The following DCC variants were observed in gnomAD, a reference collection of about 807,000 sequenced individuals.
DCC encodes the protein netrin receptor DCC.
A neutral mutation model predicts 172.5 loss-of-function variants in DCC; 58 were observed. The observed-to-expected ratio is 0.34, with a 90% CI of 0.27 to 0.42. The LOEUF (loss-of-function observed/expected upper bound fraction) is 0.42. Among genes scored for constraint, DCC ranks in the 10% least tolerant of loss-of-function variants. The pLI is 1.00. For synonymous variants in DCC, 709 were observed against 644.5 expected (o/e 1.10, Z -1.52); for missense variants, 1,740 against 1,791.0 (o/e 0.97, Z 0.51).
chr18:52,774,461 C>T (rs1343899537), intron 2 of DCC, among the ~76,000 whole-genome samples: 1 of 152,184 alleles, frequency 6.6e-6, no homozygotes, highest in Admixed American at 6.5e-5. Flanking sequence ...ACATCTTCTT[C>T]CCTGTTTACT....
intron 1 of DCC, among the ~76,000 whole-genome samples, chr18:52,352,420 T>C (rs1474954036): frequency 6.6e-6 from 1 of 152,168 alleles, no homozygotes; most frequent in Non-Finnish European, 1.5e-5. Context: ...TCCCATGCCT[T>C]TGCTTGATTT....
intron 26 of DCC, among the ~76,000 whole-genome samples, chr18:53,497,197 C>T (rs1502222): frequency 0.079 from 12,054 of 152,164 alleles, 1,261 homozygotes; most frequent in African/African-American, 0.24. Context: ...ATTTGTGAGA[C>T]GCACAATTCA....
intron 2 of DCC, among the ~76,000 whole-genome samples, chr18:52,814,765 G>T (rs1482572572): frequency 3.9e-5 from 6 of 152,148 alleles, no homozygotes. Context: ...GAAATGCATA[G>T]ATTTTTCAGC....
At chr18:52,806,879 T>A (rs150964102) in intron 2 of DCC, among the ~76,000 whole-genome samples, 61 of 152,256 alleles carry the variant, frequency 4.0e-4, no homozygotes, top group Middle Eastern at 3.4e-3. Flanking sequence ...ACTTTTGACC[T>A]CAGGCATCCT....
chr18:53,286,702 T>C (rs763834111), intron 12 of DCC, among the ~76,000 whole-genome samples: 6 of 152,164 alleles, frequency 3.9e-5, no homozygotes, highest in Non-Finnish European at 8.8e-5. Flanking sequence ...GCCATTGCTG[T>C]CTTCAAATAT....
intron 1 of DCC, among the ~76,000 whole-genome samples, chr18:52,589,070 T>C (rs1478564181): frequency 6.6e-6 from 1 of 152,190 alleles, no homozygotes; most frequent in African/African-American, 2.4e-5. Flanking sequence ...CATGTCTCAT[T>C]GGGTTTTAGT....
intron 25 of DCC, among the ~76,000 whole-genome samples, chr18:53,483,139 AC>A (rs2045856540): frequency 6.6e-6 from 1 of 151,970 alleles, no homozygotes; most frequent in Non-Finnish European, 1.5e-5. Flanking sequence ...GGAATTTATA[AC>A]ATTTTGGCTG....
At chr18:52,551,637 A>G (rs2032772397) in intron 1 of DCC, among the ~76,000 whole-genome samples, 1 of 151,852 alleles carries the variant, frequency 6.6e-6, no homozygotes, top group Admixed American at 6.6e-5. Context: ...GCTTTGAATA[A>G]TGAATGAGCT....
At chr18:52,667,140 G>A (rs1053522035) in intron 1 of DCC, among the ~76,000 whole-genome samples, 5 of 151,748 alleles carry the variant, frequency 3.3e-5, no homozygotes, top group African/African-American at 1.2e-4. Context: ...ATGAGGAGAG[G>A]GACTTTGAGC....
chr18:53,218,000 C>A (rs1486621153), intron 12 of DCC, among the ~76,000 whole-genome samples: 1 of 151,948 alleles, frequency 6.6e-6, no homozygotes, highest in Non-Finnish European at 1.5e-5. Context: ...ATGCAACCAC[C>A]ATGACTGACT....
intron 5 of DCC, among the ~76,000 whole-genome samples, chr18:52,960,072 A>G (rs1355248779): frequency 3.9e-5 from 6 of 152,140 alleles, no homozygotes; most frequent in African/African-American, 1.4e-4. Context: ...GTAGGCTTGG[A>G]GATACACGCA....
intron 7 of DCC, among the ~76,000 whole-genome samples, chr18:53,112,851 C>T (rs1039084394): frequency 2.3e-4 from 35 of 151,520 alleles, no homozygotes; most frequent in African/African-American, 8.5e-4. Flanking sequence ...TTTTAGCTTT[C>T]AGCATCCAAT....
chr18:53,244,292 A>C (rs537450021), intron 12 of DCC, among the ~76,000 whole-genome samples: 14 of 152,268 alleles, frequency 9.2e-5, no homozygotes, highest in African/African-American at 3.1e-4. Context: ...TATTGCATGG[A>C]CTTACAGTTA....
At chr18:53,081,314 A>G (rs2144135891) in intron 7 of DCC, among the ~76,000 whole-genome samples, 1 of 152,212 alleles carries the variant, frequency 6.6e-6, no homozygotes, top group African/African-American at 2.4e-5. Context: ...TATGGTTTGA[A>G]TGGCCTACTT....
At chr18:53,035,819 C>T (rs1320854434) in intron 5 of DCC, among the ~76,000 whole-genome samples, 2 of 151,964 alleles carry the variant, frequency 1.3e-5, no homozygotes, top group African/African-American at 2.4e-5. Context: ...TATATTTGAT[C>T]CAGTTTTTCT....
intron 5 of DCC, among the ~76,000 whole-genome samples, chr18:52,965,300 A>G (rs1568215576): frequency 6.6e-6 from 1 of 152,206 alleles, no homozygotes; most frequent in Non-Finnish European, 1.5e-5. Flanking sequence ...ACTAGAAGTC[A>G]AGGCTAGATT....
chr18:52,979,074 T>A (rs963627403), intron 5 of DCC, among the ~76,000 whole-genome samples: 3 of 151,972 alleles, frequency 2.0e-5, no homozygotes, highest in Admixed American at 1.3e-4. Flanking sequence ...TTAAAAAATA[T>A]CTCATGTGTG....
At chr18:53,440,113 T>C (rs1912182087) in intron 22 of DCC, among the ~76,000 whole-genome samples, 1 of 152,226 alleles carries the variant, frequency 6.6e-6, no homozygotes, top group Non-Finnish European at 1.5e-5. Flanking sequence ...GTCCACATTC[T>C]TAATGCAGAA....
At chr18:53,315,325 G>A (rs2057330781) in intron 13 of DCC, among the ~76,000 whole-genome samples, 1 of 152,154 alleles carries the variant, frequency 6.6e-6, no homozygotes, top group African/African-American at 2.4e-5. Flanking sequence ...GTATTCCATG[G>A]TGTATATATG....
Sources: allele counts gnomAD v4.1 joint callset (sites outside exome capture counted in the v4.1 genomes callset), GRCh38; gene constraint gnomAD v4.1.1; transcripts MANE v1.5; gene names NCBI Gene and HGNC (gene_info 2026-07-23, HGNC 2026-07-21).